KSR1: variants seen among roughly 807,000 people sequenced by gnomAD.
KSR1 encodes the protein kinase suppressor of ras.
Under a neutral mutation model 92.9 loss-of-function variants are expected in KSR1, and 35 were observed. The observed-to-expected ratio is 0.38, with a 90% CI of 0.29 to 0.50. The LOEUF (loss-of-function observed/expected upper bound fraction) is 0.50, where lower values mean the gene tolerates loss of function less well. Ranked by LOEUF, KSR1 falls within the 20% of genes least tolerant of loss-of-function variation. The pLI is 0.94. For missense variants in KSR1, 972 were observed against 1,158.5 expected (o/e 0.84, Z 2.34); for synonymous variants, 467 against 472.6 (o/e 0.99, Z 0.15).
chr17:27,607,475 A>G (rs1028656846), intron 14 of KSR1, among the ~76,000 whole-genome samples: 2 of 151,894 alleles, frequency 1.3e-5, no homozygotes, highest in African/African-American at 4.8e-5. Flanking sequence ...TGTAATAAAA[A>G]CCCTGTGATC....
chr17:27,541,952 C>T (rs1051681621), intron 1 of KSR1, among the ~76,000 whole-genome samples: 8 of 152,344 alleles, frequency 5.3e-5, no homozygotes, highest in Admixed American at 3.3e-4. Flanking sequence ...ACCCACATCC[C>T]GATGTAGCTT....
chr17:27,605,400 C>T lies in KSR1; in HGVS notation c.1615-34C>T, dbSNP rs758420947. 2.5e-6 allele frequency: 4 copies of T among 1,592,258 alleles called. No individual in the cohort carries two copies. In the East Asian group the frequency reaches 9.0e-5, roughly 36 times the overall value. On this transcript the variant is annotated intron_variant, in intron 13 of 20. Coordinates refer to ENST00000644974, the MANE Select transcript of KSR1 (RefSeq NM_001394583.1). ...AGAGACGTCGCAGAGCCCAGATCTG[C>T]TGCCCATCCCTGTTCTTCCTGCTCT...
At chr17:27,551,005 CTG>C (rs1482689531) in intron 2 of KSR1, among the ~76,000 whole-genome samples, 1 of 152,220 alleles carries the variant, frequency 6.6e-6, no homozygotes, top group Non-Finnish European at 1.5e-5. Context: ...GTGGCAGACA[CTG>C]TGTTAAATGT....
chr17:27,525,036 A>G lies in KSR1; in HGVS notation c.232-25532A>G, dbSNP rs139933008. 5.3e-3 allele frequency among the ~76,000 whole-genome samples: 809 copies of G among 152,374 alleles called. 5 individuals are homozygous for G. The highest frequency in any genetic ancestry group is 0.018 in the African/African-American group (763 of 41,592). On this transcript the variant is annotated intron_variant, in intron 1 of 20. Transcript: ENST00000644974. ...TCATTACTGAAAATGTGATCATTCTAGACACACAGAATTGTGCTCTCAGTC... is the reference window on the plus strand; with the variant it reads ...TCATTACTGAAAATGTGATCATTCTGGACACACAGAATTGTGCTCTCAGTC...
At chr17:27,473,667 C>T (rs962298307) in intron 1 of KSR1, among the ~76,000 whole-genome samples, 1 of 152,132 alleles carries the variant, frequency 6.6e-6, no homozygotes, top group African/African-American at 2.4e-5. Context: ...GTGATAGGCA[C>T]AGCGGTATTT....
chr17:27,625,440 T>C lies in KSR1; in HGVS notation c.*2048T>C, dbSNP rs2074320848. ...TCTGCAAGTGCTGGGCACCTAGAGA[T>C]AGGAACAGTCATGGTCCCTGCTCTT... On this transcript the variant is annotated 3_prime_UTR_variant, in exon 21 of 21. Transcript: ENST00000644974. 1 of 152,236 alleles carries C rather than the reference T, an allele frequency of 6.6e-6. No individual in the cohort carries two copies. The highest frequency in any genetic ancestry group is 6.5e-5 in the Admixed American group (1 of 15,284). The allele number at this position is 152,236 out of a possible 1,614,324, so 9.4% of individuals were successfully genotyped here. A position where few individuals can be genotyped will look rare whatever the true frequency, so the allele number is the denominator to read the frequency against.
intron 1 of KSR1, among the ~76,000 whole-genome samples, chr17:27,495,391 G>T (rs1427267642): frequency 6.6e-6 from 1 of 152,136 alleles, no homozygotes; most frequent in Non-Finnish European, 1.5e-5. Flanking sequence ...TTTAACTCAA[G>T]AAAAGTCCAA....
At chr17:27,570,925 T>C (rs1277796479) in intron 2 of KSR1, among the ~76,000 whole-genome samples, 1 of 152,206 alleles carries the variant, frequency 6.6e-6, no homozygotes, top group Non-Finnish European at 1.5e-5. Flanking sequence ...CCTGGAAAAT[T>C]CCAGGGCACA....
intron 1 of KSR1, among the ~76,000 whole-genome samples, chr17:27,524,667 T>A (rs992347862): frequency 6.6e-6 from 1 of 152,102 alleles, no homozygotes. Flanking sequence ...TTAGATAGAA[T>A]CAAATCAAAG....
At chr17:27,619,557 C>G (rs1290144271) in intron 19 of KSR1, among the ~76,000 whole-genome samples, 2 of 151,354 alleles carry the variant, frequency 1.3e-5, no homozygotes, top group Non-Finnish European at 2.9e-5. Context: ...GCTACCACAC[C>G]CGGCTAATTT....
At chr17:27,593,983 T>C (rs1031882895) in intron 9 of KSR1, among the ~76,000 whole-genome samples, 1 of 152,172 alleles carries the variant, frequency 6.6e-6, no homozygotes, top group Admixed American at 6.5e-5. Flanking sequence ...TCTGCCCTGA[T>C]GACCCAGTTA....
rs972827334 is a variant in KSR1, at chr17:27,577,378, C to T, written c.373-114C>T. The T allele has an allele frequency of 6.7e-5, 44 of 656,424 alleles. No homozygotes were observed. The highest frequency in any genetic ancestry group is 5.7e-4 in the African/African-American group (31 of 54,656). The allele number at this position is 656,424 out of a possible 1,614,324, so 40.7% of individuals were successfully genotyped here. A position where few individuals can be genotyped will look rare whatever the true frequency, so the allele number is the denominator to read the frequency against. On this transcript the variant is annotated intron_variant, in intron 2 of 20. Coordinates refer to ENST00000644974, the MANE Select transcript of KSR1 (RefSeq NM_001394583.1). This position sits in a 1 kb window ranked among gnomAD's most constrained non-coding sequence, Gnocchi z 4.5. The stretch of plus-strand genomic sequence containing the variant: ...GCACGTGGTGGCTCTGGTCAGAGGC[C>T]GGCCCAGCCAGCAGCTGGCCCCTGC...
intron 2 of KSR1, among the ~76,000 whole-genome samples, chr17:27,565,414 A>G (rs887798063): frequency 5.3e-5 from 8 of 152,214 alleles, no homozygotes. Context: ...AGATGGAAAA[A>G]CTACGTGAAA....
intron 1 of KSR1, among the ~76,000 whole-genome samples, chr17:27,509,431 C>T (rs1331678477): frequency 6.6e-6 from 1 of 152,116 alleles, no homozygotes; most frequent in Non-Finnish European, 1.5e-5. Flanking sequence ...GCTGGGACTA[C>T]AGGCACCTGC....
chr17:27,475,056 T>C (rs2068298994), intron 1 of KSR1, among the ~76,000 whole-genome samples: 1 of 152,154 alleles, frequency 6.6e-6, no homozygotes, highest in Non-Finnish European at 1.5e-5. Context: ...GAGGTGATAT[T>C]TGAGTAAAGA....
intron 19 of KSR1, 54 bp downstream of exon 19, chr17:27,617,482 T>TG: frequency 6.3e-6 from 10 of 1,575,802 alleles, no homozygotes; most frequent in Non-Finnish European, 8.7e-6. Context: ...CAGCCTCACC[T>TG]GGGGTCTTAG....
chr17:27,528,455 G>A (rs908818236), intron 1 of KSR1, among the ~76,000 whole-genome samples: 37 of 151,972 alleles, frequency 2.4e-4, no homozygotes, highest in African/African-American at 8.5e-4. Context: ...AGGTCACACC[G>A]CTAGAAAAGA....
intron 1 of KSR1, among the ~76,000 whole-genome samples, chr17:27,524,514 C>A (rs1206307346): frequency 6.6e-6 from 1 of 152,210 alleles, no homozygotes; most frequent in African/African-American, 2.4e-5. Flanking sequence ...CCATCCCCTT[C>A]CCAAGGAGGG....
intron 1 of KSR1, among the ~76,000 whole-genome samples, chr17:27,488,238 G>T (rs2068725481): frequency 6.6e-6 from 1 of 152,164 alleles, no homozygotes; most frequent in Non-Finnish European, 1.5e-5. Flanking sequence ...CACAACTCAG[G>T]TTAAGAAGTG....
Sources: allele counts gnomAD v4.1 joint callset (sites outside exome capture counted in the v4.1 genomes callset), GRCh38; gene constraint gnomAD v4.1.1; non-coding constraint Gnocchi (gnomAD v3.1); transcripts MANE v1.5; gene names NCBI Gene and HGNC (gene_info 2026-07-23, HGNC 2026-07-21).